The following XPO4 variants were observed in gnomAD, a reference collection of about 807,000 sequenced individuals.
XPO4 encodes the protein exportin 4, also known as exportin-4.
In XPO4, 39 loss-of-function variants were observed where a neutral mutation model predicts 143.0. The ratio of observed to expected loss-of-function variants is 0.27; its 90% CI spans 0.21 to 0.36. The LOEUF (loss-of-function observed/expected upper bound fraction) is 0.36, where lower values mean the gene tolerates loss of function less well. XPO4 is among the 10% of genes least tolerant of loss of function. The pLI is 1.00. For missense variants in XPO4, 907 were observed against 1,348.0 expected, an observed-to-expected ratio of 0.67 and a Z score of 5.12; for synonymous variants, 439 against 474.0, an observed-to-expected ratio of 0.93 and a Z score of 0.96.
chr13:20,843,783 T>C lies in XPO4; in HGVS notation c.560A>G (p.Lys187Arg), dbSNP rs1224373927. The C allele has an allele frequency of 6.2e-7, 1 of 1,612,206 alleles. No homozygotes were observed. The highest frequency in any genetic ancestry group is 8.5e-7 in the Non-Finnish European group (1 of 1,179,110). The change falls in exon 5 of 23, where the codon AAA (lysine) becomes AGA (arginine). Residue 187 changes from lysine to arginine, a missense_variant. By Grantham distance (26) the Lys-to-Arg change is conservative (BLOSUM62 2). Coordinates refer to ENST00000255305, the MANE Select transcript of XPO4 (RefSeq NM_022459.5). ...AACTACCAATACCTGAAAAACTCTTTTGCAGTTACCATGGAATTCCATGCT... is the reference window on the plus strand; with the variant it reads ...AACTACCAATACCTGAAAAACTCTTCTGCAGTTACCATGGAATTCCATGCT... ...GLSMEFHGNCKRVFQEEDLRQ... is the reference protein window; with the variant it reads ...GLSMEFHGNCRRVFQEEDLRQ...
rs989971258 is a variant in XPO4, at chr13:20,780,495, G to T, written c.*3227C>A. The T allele has an allele frequency of 1.3e-5, 2 of 152,114 alleles. No homozygotes were observed. Among genetic ancestry groups the T allele is most frequent in the Non-Finnish European group, 2.9e-5 (2 of 68,010 alleles). 9.4% of individuals were successfully genotyped at this position (152,114 alleles called of 1,614,324 possible). A position where few individuals can be genotyped will look rare whatever the true frequency, so the allele number is the denominator to read the frequency against. ...AAAGAGAAAGTTCAAAGACAGTTAA[G>T]GGGAGTGTTAAATAATGCTGACTGG... On this transcript the variant is annotated 3_prime_UTR_variant, in exon 23 of 23. Transcript: ENST00000255305.
intron 6 of XPO4, among the ~76,000 whole-genome samples, chr13:20,837,167 T>C (rs1241768104): frequency 6.6e-6 from 1 of 152,210 alleles, no homozygotes; most frequent in Non-Finnish European, 1.5e-5. Context: ...TTTGTGTGGA[T>C]GACTATTGAT....
intron 18 of XPO4, among the ~76,000 whole-genome samples, chr13:20,794,791 C>T (rs892650099): frequency 2.0e-5 from 3 of 151,948 alleles, no homozygotes; most frequent in Non-Finnish European, 2.9e-5. Context: ...CAGAACTGAC[C>T]TGAAGAAAGT....
rs1347896924 is a variant in XPO4, at chr13:20,787,508, A to T, written c.3138T>A (p.Leu1046=). 1.2e-6 allele frequency: 2 copies of T among 1,614,252 alleles called. No homozygotes were observed. Among genetic ancestry groups the T allele is most frequent in the South Asian group, 2.2e-5 (2 of 91,090 alleles). The change falls in exon 21 of 23, where the codon CTT becomes CTA. Residue 1046 remains leucine, a synonymous_variant. Transcript: ENST00000255305. ...CAKAQETDSP[L]FLATRHFLKL... The stretch of plus-strand genomic sequence containing the variant: ...TAAGAAAGTGCCGTGTTGCTAGAAA[A>T]AGTGGTGAGTCTGTTTCTTGTGCTT...
At chr13:20,852,772 T>C (rs2060102199) in intron 4 of XPO4, 46 of 984,728 alleles carry the variant, frequency 4.7e-5, no homozygotes, top group Non-Finnish European at 5.5e-5. Context: ...CAAATGAAAA[T>C]TGCTTGACTG....
intron 13 of XPO4, among the ~76,000 whole-genome samples, chr13:20,806,133 C>A (rs944182970): frequency 6.6e-6 from 1 of 152,106 alleles, no homozygotes; most frequent in African/African-American, 2.4e-5. Context: ...ACATTCACCA[C>A]CAACCAAACC....
chr13:20,848,246 A>G, intron 4 of XPO4: 1 of 981,250 alleles, frequency 1.0e-6, no homozygotes, highest in African/African-American at 1.7e-5. Context: ...AATAAATGAT[A>G]AATAAAAACA....
intron 22 of XPO4, among the ~76,000 whole-genome samples, chr13:20,785,476 A>T (rs1237701605): frequency 6.6e-6 from 1 of 151,880 alleles, no homozygotes; most frequent in Non-Finnish European, 1.5e-5. Context: ...AGTTCGATAC[A>T]AGCCTGGGCA....
Position 20,809,164 on chromosome 13 carries a change from C to T in XPO4, c.1412G>A (p.Arg471Gln), listed in dbSNP as rs761662120. 1 of 1,614,086 alleles carries T rather than the reference C, an allele frequency of 6.2e-7. No homozygotes were observed. Among genetic ancestry groups the T allele is most frequent in the Non-Finnish European group, 8.5e-7 (1 of 1,180,000 alleles). Residue 471 changes from arginine to glutamine, a missense_variant, in exon 11 of 23, where the codon CGA becomes CAA. By Grantham distance (43) the Arg-to-Gln change is conservative (BLOSUM62 1). Transcript: ENST00000255305. The stretch of plus-strand genomic sequence containing the variant: ...GGCCAGTTGATCAGAAAACTGGTCT[C>T]GATCATCCTCTTGAAGTTCACTTAT... ...EEISELQEDDRDQFSDQLASV... is the reference protein window; with the variant it reads ...EEISELQEDDQDQFSDQLASV...
intron 18 of XPO4, among the ~76,000 whole-genome samples, chr13:20,793,601 T>C (rs560723626): frequency 6.6e-6 from 1 of 152,252 alleles, no homozygotes; most frequent in African/African-American, 2.4e-5. Context: ...TCACTCAGGC[T>C]GGAGTGCTGT....
intron 4 of XPO4, among the ~76,000 whole-genome samples, chr13:20,845,077 G>C (rs1359368813): frequency 6.6e-6 from 1 of 152,208 alleles, no homozygotes; most frequent in African/African-American, 2.4e-5. Flanking sequence ...GGACACCAAG[G>C]CAGGAGAACG....
rs1315856555 is a variant in XPO4 at position 20,790,523 on chromosome 13, G to A, written c.2855C>T (p.Ala952Val). The stretch of plus-strand genomic sequence containing the variant: ...GTTTACTCCATACAACACAACATCC[G>A]CTGCTGACACAGATCTGTTTGCTGC... ...GQAANRSVSA[A>V]DVVLYGVNLI... is the part of the protein sequence containing the mutation. The change falls in exon 19 of 23, where the codon GCG becomes GTG. Residue 952 changes from alanine (A) to valine (V), a missense_variant. Physicochemically the swap from Ala to Val is moderately conservative, Grantham distance 64. Transcript: ENST00000255305. The A allele has an allele frequency of 1.9e-6, 3 of 1,614,102 alleles. No homozygotes were observed. The highest frequency in any genetic ancestry group is 2.5e-6 in the Non-Finnish European group (3 of 1,180,016).
intron 9 of XPO4, among the ~76,000 whole-genome samples, chr13:20,810,706 C>G (rs1319155135): frequency 6.6e-6 from 1 of 152,178 alleles, no homozygotes; most frequent in Non-Finnish European, 1.5e-5. Context: ...TTGCCCAAAG[C>G]TCTGACTGGC....
Position 20,868,452 on chromosome 13 carries a change from T to A in XPO4, c.175+144A>T, listed in dbSNP as rs573177480. ...CTTTACAGAATATCTTTAAAGCTACTCCAGTAGAATGATTATTAATTTAAA... is the reference window on the plus strand; with the variant it reads ...CTTTACAGAATATCTTTAAAGCTACACCAGTAGAATGATTATTAATTTAAA... On this transcript the variant is annotated intron_variant, in intron 2 of 22. Transcript: ENST00000255305. 184 of 1,253,008 alleles carry A rather than the reference T, an allele frequency of 1.5e-4. 1 individual carries two copies. The African/African-American group carries it at 2.6e-3, about 18-fold the overall frequency. 77.6% of individuals were successfully genotyped at this position (1,253,008 alleles called of 1,614,324 possible). A position where few individuals can be genotyped will look rare whatever the true frequency, so the allele number is the denominator to read the frequency against.
At position 20,799,154 on chromosome 13, in the gene XPO4, A is replaced by T. The variant is rs1261042740; in HGVS notation, c.2322+11T>A. 3 of 1,570,374 alleles carry T rather than the reference A, an allele frequency of 1.9e-6. No individual in the cohort carries two copies. In the African/African-American group the frequency reaches 4.1e-5, roughly 21 times the overall value. On this transcript the variant is annotated intron_variant, in intron 16 of 22. Coordinates refer to ENST00000255305, the MANE Select transcript of XPO4 (RefSeq NM_022459.5). Reference sequence around the variant, plus strand: ...ACAAAAGGGTGCAATCAAAATAGACAGCACTGTTACCTCTGTCCAATACTG... The same window carrying T: ...ACAAAAGGGTGCAATCAAAATAGACTGCACTGTTACCTCTGTCCAATACTG...
chr13:20,817,498 C>G (rs28609258), intron 9 of XPO4, among the ~76,000 whole-genome samples: 14,332 of 152,198 alleles, frequency 0.094, 831 homozygotes, highest in Non-Finnish European at 0.13. Flanking sequence ...ATGTAAGGTT[C>G]TTCCTTTATA....
At chr13:20,878,521 T>TAAAGGC (rs2060376692) in intron 1 of XPO4, among the ~76,000 whole-genome samples, 2 of 152,254 alleles carry the variant, frequency 1.3e-5, no homozygotes, top group Non-Finnish European at 2.9e-5. Flanking sequence ...CAGCTATATT[T>TAAAGGC]ACCAACCTAG....
Position 20,799,269 on chromosome 13 carries a change from G to A in XPO4, c.2218C>T (p.Leu740Phe), listed in dbSNP as rs1437339411. 6.2e-7 allele frequency: 1 copy of A among 1,614,118 alleles called. No homozygotes were observed. Among genetic ancestry groups the A allele is most frequent in the Admixed American group, 1.7e-5 (1 of 60,020 alleles). Residue 740 changes from leucine (L) to phenylalanine (F), a missense_variant, in exon 16 of 23, where the codon CTT becomes TTT. Coordinates refer to ENST00000255305, the MANE Select transcript of XPO4 (RefSeq NM_022459.5). ...TGCACAGGACTTGACAAGAAATTAA[G>A]AGGTGGGCTTCGGCTTGCAAACTGC... ...AKQFASRSPPLNFLSSPVQRT... is the reference protein window; with the variant it reads ...AKQFASRSPPFNFLSSPVQRT...
At chr13:20,822,320 T>C (rs761033990) in intron 7 of XPO4, 31 bp from the exon 8 acceptor site, 10 of 1,586,810 alleles carry the variant, frequency 6.3e-6, no homozygotes, top group Middle Eastern at 1.7e-4. Flanking sequence ...TCCATAAATA[T>C]AAATTCTTCC....
Sources: allele counts gnomAD v4.1 joint callset (sites outside exome capture counted in the v4.1 genomes callset), GRCh38; gene constraint gnomAD v4.1.1; transcripts MANE v1.5; gene names NCBI Gene and HGNC (gene_info 2026-07-23, HGNC 2026-07-21).